GALNT17: variants seen among roughly 807,000 people sequenced by gnomAD.
GALNT17 encodes the protein polypeptide N-acetylgalactosaminyltransferase 17.
GALNT17 carries 29 observed loss-of-function variants against 63.7 expected under a neutral mutation model. That is an observed-to-expected ratio of 0.46 (90% confidence interval 0.34 to 0.62). GALNT17 has a LOEUF of 0.62. GALNT17 is among the 20% of genes least tolerant of loss of function. The probability of loss-of-function intolerance (pLI) is 0.01; values close to 1 mark genes in which losing one functional copy is unlikely to be tolerated. For missense variants in GALNT17, 603 were observed against 799.6 expected (o/e 0.75, Z 2.97); for synonymous variants, 305 against 318.3 (o/e 0.96, Z 0.45).
At chr7:71,484,160 A>G (rs1435719591) in intron 5 of GALNT17, among the ~76,000 whole-genome samples, 1 of 152,246 alleles carries the variant, frequency 6.6e-6, no homozygotes, top group Non-Finnish European at 1.5e-5. Context: ...TAGTAAATAC[A>G]GAAACCATTA....
At chr7:71,153,062 G>A (rs1018057556) in intron 1 of GALNT17, among the ~76,000 whole-genome samples, 15 of 151,282 alleles carry the variant, frequency 9.9e-5, no homozygotes, top group African/African-American at 3.6e-4. Flanking sequence ...GGCCCTGCCA[G>A]CAACCTTCCT....
intron 1 of GALNT17, among the ~76,000 whole-genome samples, chr7:71,202,487 C>G (rs1391738646): frequency 6.6e-6 from 1 of 151,920 alleles, no homozygotes; most frequent in Non-Finnish European, 1.5e-5. Context: ...TAGTATTTTT[C>G]TTTTTTAAAA....
intron 1 of GALNT17, among the ~76,000 whole-genome samples, chr7:71,235,281 GT>G (rs1455103889): frequency 2.0e-5 from 3 of 151,758 alleles, no homozygotes; most frequent in Non-Finnish European, 4.4e-5. Flanking sequence ...TGGTCTGTTC[GT>G]TTTAGGTGTT....
intron 6 of GALNT17, among the ~76,000 whole-genome samples, chr7:71,574,589 G>C (rs1052823922): frequency 1.3e-5 from 2 of 152,208 alleles, no homozygotes; most frequent in African/African-American, 4.8e-5. Flanking sequence ...ATTGAGTGCT[G>C]CTGGTTGCAG....
At chr7:71,523,180 CTT>C (rs1788558323) in intron 5 of GALNT17, among the ~76,000 whole-genome samples, 1 of 152,192 alleles carries the variant, frequency 6.6e-6, no homozygotes, top group South Asian at 2.1e-4. Context: ...AATCCCAACA[CTT>C]TGGGAGGCCA....
chr7:71,609,793 AACTT>A (rs545510837), intron 6 of GALNT17, among the ~76,000 whole-genome samples: 32 of 152,246 alleles, frequency 2.1e-4, no homozygotes, highest in African/African-American at 7.2e-4. Flanking sequence ...AGTCAATAAT[AACTT>A]AATTATTACT....
rs558563305 is a variant in GALNT17, at chr7:71,527,960, A to G, written c.963-43325A>G. Among the ~76,000 whole-genome samples, 3 of 152,294 alleles carry G rather than the reference A, an allele frequency of 2.0e-5. No homozygotes were observed. In the East Asian group the frequency reaches 5.8e-4, roughly 29 times the overall value. On this transcript the variant is annotated intron_variant, in intron 5 of 10. Coordinates refer to ENST00000333538, the MANE Select transcript of GALNT17 (RefSeq NM_022479.3). ...ATTGCACCAAGGTTTTTTTTAACCAAAATTCCCTCCAGTTTTGTCCAAGTT... is the reference window on the plus strand; with the variant it reads ...ATTGCACCAAGGTTTTTTTTAACCAGAATTCCCTCCAGTTTTGTCCAAGTT...
At chr7:71,396,762 C>T (rs1246845414) in intron 3 of GALNT17, among the ~76,000 whole-genome samples, 1 of 151,828 alleles carries the variant, frequency 6.6e-6, no homozygotes, top group Admixed American at 6.6e-5. Context: ...AGATGTCTTT[C>T]TATTTATTTA....
chr7:71,615,169 A>G (rs1331738575), intron 6 of GALNT17, among the ~76,000 whole-genome samples: 1 of 152,204 alleles, frequency 6.6e-6, no homozygotes, highest in Non-Finnish European at 1.5e-5. Flanking sequence ...GCTTCAGCAC[A>G]TAGCCTGCAG....
At chr7:71,435,664 C>G (rs1209091099) in intron 5 of GALNT17, among the ~76,000 whole-genome samples, 1 of 152,126 alleles carries the variant, frequency 6.6e-6, no homozygotes, top group African/African-American at 2.4e-5. Context: ...GATTTCATCT[C>G]CGACCCAACC....
At chr7:71,606,755 G>A (rs1562708295) in intron 6 of GALNT17, among the ~76,000 whole-genome samples, 1 of 152,194 alleles carries the variant, frequency 6.6e-6, no homozygotes, top group African/African-American at 2.4e-5. Flanking sequence ...GCCCACATAT[G>A]TGCTGGCAGG....
At chr7:71,693,249 T>TACACACACACATACAC (rs1791484090) in intron 9 of GALNT17, among the ~76,000 whole-genome samples, 1 of 124,350 alleles carries the variant, frequency 8.0e-6, no homozygotes, top group African/African-American at 3.1e-5. Context: ...CACATATATA[T>TACACACACACATACAC]ACACACACAC....
intron 6 of GALNT17, among the ~76,000 whole-genome samples, chr7:71,575,102 A>G (rs1789514164): frequency 6.6e-6 from 1 of 152,198 alleles, no homozygotes; most frequent in Non-Finnish European, 1.5e-5. Context: ...AAATGAAATA[A>G]TATACACAAG....
chr7:71,214,796 T>C (rs1789447295), intron 1 of GALNT17, among the ~76,000 whole-genome samples: 1 of 152,168 alleles, frequency 6.6e-6, no homozygotes, highest in Admixed American at 6.5e-5. Context: ...TAGGCTGGTC[T>C]TGAACTCCTG....
rs896395622 is a variant in GALNT17, at chr7:71,374,516, C to T, written c.423-13719C>T. Among the ~76,000 whole-genome samples, 7 of 152,188 alleles carry T rather than the reference C, an allele frequency of 4.6e-5. 1 individual carries two copies. In the South Asian group the frequency reaches 6.2e-4, roughly 13 times the overall value. On this transcript the variant is annotated intron_variant, in intron 2 of 10. Transcript: ENST00000333538. Reference sequence around the variant, plus strand: ...GTGAGGCTCACGCTTGGAGCTGGTACGTAGCTCTTCACCTGGTCAAAGCAA... The same window carrying T: ...GTGAGGCTCACGCTTGGAGCTGGTATGTAGCTCTTCACCTGGTCAAAGCAA...
chr7:71,646,458 A>G (rs920804383), intron 6 of GALNT17, among the ~76,000 whole-genome samples: 2 of 152,178 alleles, frequency 1.3e-5, no homozygotes, highest in African/African-American at 2.4e-5. Context: ...TCTCATGAGT[A>G]GAATGGAGAG....
At chr7:71,165,863 T>C (rs972671043) in intron 1 of GALNT17, among the ~76,000 whole-genome samples, 1 of 151,602 alleles carries the variant, frequency 6.6e-6, no homozygotes, top group Admixed American at 6.6e-5. Flanking sequence ...GTAGGTGGAG[T>C]ATGTGACTAT....
chr7:71,191,599 T>TC (rs1238512090), intron 1 of GALNT17, among the ~76,000 whole-genome samples: 1 of 152,250 alleles, frequency 6.6e-6, no homozygotes, highest in Non-Finnish European at 1.5e-5. Flanking sequence ...ACATGTTGTT[T>TC]ATCAGGAGTT....
At chr7:71,446,164 A>G (rs1787157219) in intron 5 of GALNT17, among the ~76,000 whole-genome samples, 1 of 152,218 alleles carries the variant, frequency 6.6e-6, no homozygotes, top group Admixed American at 6.5e-5. Flanking sequence ...TCTGCTTCCA[A>G]TCCAGATGTT....
Sources: allele counts gnomAD v4.1 joint callset (sites outside exome capture counted in the v4.1 genomes callset), GRCh38; gene constraint gnomAD v4.1.1; transcripts MANE v1.5; gene names NCBI Gene and HGNC (gene_info 2026-07-23, HGNC 2026-07-21).